The following TIPIN variants were observed in gnomAD, a reference collection of about 807,000 sequenced individuals.
The protein encoded by TIPIN is TIMELESS-interacting protein.
A neutral mutation model predicts 35.6 loss-of-function variants in TIPIN; 29 were observed. The ratio of observed to expected loss-of-function variants is 0.82; its 90% CI spans 0.61 to 1.11. TIPIN has a LOEUF of 1.11. TIPIN is among the 50% of genes most tolerant of loss of function. TIPIN has a pLI of 0.00. For synonymous variants in TIPIN, 102 were observed against 121.5 expected (o/e 0.84, Z 1.06); for missense variants, 296 against 345.4 (o/e 0.86, Z 1.13).
Position 66,337,113 on chromosome 15 carries a change from C to A in TIPIN, c.751G>T (p.Glu251Ter), listed in dbSNP as rs1483305950. 4 of 1,614,032 alleles carry A rather than the reference C, an allele frequency of 2.5e-6. No homozygotes were observed. The highest frequency in any genetic ancestry group is 2.2e-5 in the East Asian group (1 of 44,858). The change falls in exon 8 of 8, where the codon GAG becomes TAG. Residue 251 changes from glutamate (E) to a stop codon, truncating the protein, a stop_gained. Transcript: ENST00000261881. LOFTEE classifies it high-confidence loss of function. ...EVNTDEDQKE[E>*]SNGLNEDILD... ...ATGTCTTCGTTTAATCCATTTGACTCCTCCTTTTGATCCTCATCAGTATTA... is the reference window on the plus strand; with the variant it reads ...ATGTCTTCGTTTAATCCATTTGACTACTCCTTTTGATCCTCATCAGTATTA...
intron 6 of TIPIN, among the ~76,000 whole-genome samples, chr15:66,345,135 A>G (rs1294137228): frequency 6.6e-6 from 1 of 152,168 alleles, no homozygotes; most frequent in African/African-American, 2.4e-5. Context: ...ATAACAGTGT[A>G]ATGGGGAGGC....
rs62625674 is a variant in TIPIN, at chr15:66,337,201, T to G, written c.683-20A>C. The G allele has an allele frequency of 1.2e-5, 19 of 1,596,204 alleles. No individual in the cohort carries two copies. The highest frequency in any genetic ancestry group is 1.6e-5 in the Non-Finnish European group (19 of 1,166,550). On this transcript the variant is annotated intron_variant, in intron 7 of 7. Coordinates refer to ENST00000261881, the MANE Select transcript of TIPIN (RefSeq NM_017858.3). ...ACATATCTGAAAGAAATCATACCATTATTATTCATTATAAGTACCTGATCC... is the reference window on the plus strand; with the variant it reads ...ACATATCTGAAAGAAATCATACCATGATTATTCATTATAAGTACCTGATCC...
chr15:66,358,635 C>G (rs555611371), upstream of TIPIN, among the ~76,000 whole-genome samples: 2 of 152,168 alleles, frequency 1.3e-5, no homozygotes, highest in Admixed American at 6.5e-5. Flanking sequence ...AGGCTGGTCT[C>G]CAACGCCTGG....
chr15:66,361,258 ATTTT>A (rs377249055), upstream of TIPIN, among the ~76,000 whole-genome samples: 1 of 140,646 alleles, frequency 7.1e-6, no homozygotes, highest in Non-Finnish European at 1.6e-5. Context: ...TTCTATTGTA[ATTTT>A]TTTTTTTTTT....
chr15:66,368,553 T>G lies in TIPIN; in HGVS notation c.-8-15598A>C, dbSNP rs147802689. ...CAAATAAATAAACAAAATAAAAATA[T>G]AGTCTATAAACTAAGTTTGAATGGC... On this transcript the variant is annotated intron_variant, in intron 1 of 7. Transcript: ENST00000562124. Among the ~76,000 whole-genome samples the G allele has an allele frequency of 1.1e-4, 17 of 152,154 alleles. No homozygotes were observed. The East Asian group carries it at 3.3e-3, about 29-fold the overall frequency.
rs189560496 is a variant in TIPIN at position 66,362,811 on chromosome 15, A to G, written c.-8-9856T>C. On this transcript the variant is annotated intron_variant, in intron 1 of 7. Transcript: ENST00000562124. ...GAACTATCTCAATCCCACATTAAAAAAGCAAAATCCCTGAGTCTTCTTTAT... is the reference window on the plus strand; with the variant it reads ...GAACTATCTCAATCCCACATTAAAAGAGCAAAATCCCTGAGTCTTCTTTAT... Among the ~76,000 whole-genome samples, 79 of 152,356 alleles carry G rather than the reference A, an allele frequency of 5.2e-4. 1 individual carries two copies. In the South Asian group the frequency reaches 5.8e-3, roughly 11 times the overall value.
At chr15:66,356,787 G>A, upstream of TIPIN, 3 of 963,716 alleles carry the variant, frequency 3.1e-6, no homozygotes, top group African/African-American at 1.8e-5. Flanking sequence ...TGCAAAACCC[G>A]CCTCTCAGGT....
chr15:66,380,860 G>T (rs1303109212), intron 1 of TIPIN, among the ~76,000 whole-genome samples: 2 of 152,086 alleles, frequency 1.3e-5, no homozygotes, highest in Non-Finnish European at 2.9e-5. Flanking sequence ...TAGAAGTACT[G>T]TTAAAAAATA....
At position 66,352,124 on chromosome 15, in the gene TIPIN, T is replaced by G. The variant is rs999196586; in HGVS notation, c.212+5A>C. 1 of 1,586,746 alleles carries G rather than the reference T, an allele frequency of 6.3e-7. No individual in the cohort carries two copies. The stretch of plus-strand genomic sequence containing the variant: ...TATAAATGTATAAGAATATAGTAAA[T>G]GTACCTCTGAGCATCCAGCTTGGGT... On this transcript the variant is annotated splice_donor_5th_base_variant and intron_variant, in intron 3 of 7. Transcript: ENST00000261881.
chr15:66,363,876 GA>G (rs5813393), intron 1 of TIPIN, among the ~76,000 whole-genome samples: 148,570 of 151,532 alleles, frequency 0.98, 72,897 homozygotes, highest in East Asian at 1. Context: ...CAGCTACTCG[GA>G]GAGGCTGAGG....
intron 7 of TIPIN, among the ~76,000 whole-genome samples, chr15:66,338,080 A>G (rs1036819819): frequency 1.3e-5 from 2 of 152,020 alleles, no homozygotes; most frequent in Non-Finnish European, 2.9e-5. Context: ...ATATGGTGAA[A>G]CCCTGCCTCT....
chr15:66,352,038 A>G (rs902483705), intron 3 of TIPIN, 91 bp downstream of exon 3: 2 of 1,115,356 alleles, frequency 1.8e-6, no homozygotes, highest in African/African-American at 3.3e-5. Flanking sequence ...AGAGCTCCAC[A>G]TCATACCAAC....
Position 66,379,319 on chromosome 15 carries a change from C to T in TIPIN, c.-9+7288G>A. 3 of 1,581,648 alleles carry T rather than the reference C, an allele frequency of 1.9e-6. No individual in the cohort carries two copies. The South Asian group carries it at 3.4e-5, about 18-fold the overall frequency. On this transcript the variant is annotated intron_variant, in intron 1 of 7. Transcript: ENST00000562124. ...GTCATCTGGCGTCTTCTTTCTGTAG[C>T]TGGATAACTCTTAGATCTTATTCAT...
chr15:66,349,734 G>C (rs1280528605), intron 4 of TIPIN, among the ~76,000 whole-genome samples: 1 of 151,898 alleles, frequency 6.6e-6, no homozygotes, highest in African/African-American at 2.4e-5. Flanking sequence ...CAAAACAATA[G>C]CCAGGCATGG....
intron 6 of TIPIN, among the ~76,000 whole-genome samples, chr15:66,347,042 G>A (rs866017180): frequency 1.3e-5 from 2 of 151,976 alleles, no homozygotes; most frequent in South Asian, 2.1e-4. Flanking sequence ...TGATCCACCC[G>A]CCTCGGCCTC....
intron 7 of TIPIN, among the ~76,000 whole-genome samples, chr15:66,337,979 G>GGCACAGTGGATCATGCCTGTAA (rs1439086476): frequency 1.3e-5 from 2 of 152,124 alleles, no homozygotes; most frequent in Non-Finnish European, 2.9e-5. Flanking sequence ...CTATTGGCCA[G>GGCACAGTGGATCATGCCTGTAA]GCACAGTGGA....
intron 1 of TIPIN, chr15:66,382,951 G>A: frequency 1.0e-6 from 1 of 985,378 alleles, no homozygotes; most frequent in Non-Finnish European, 1.2e-6. Flanking sequence ...GGTCTGAAAA[G>A]GAAATGAGGA....
At chr15:66,372,680 C>T (rs139441754) in intron 1 of TIPIN, among the ~76,000 whole-genome samples, 18 of 152,012 alleles carry the variant, frequency 1.2e-4, no homozygotes, top group African/African-American at 3.6e-4. Context: ...CCAAGGCAGG[C>T]GGATCACGAG....
intron 2 of TIPIN, 91 bp downstream of exon 2, chr15:66,352,724 G>T (rs1397569843): frequency 1.5e-6 from 2 of 1,363,352 alleles, no homozygotes; most frequent in Non-Finnish European, 1.9e-6. Flanking sequence ...CTTGTGATCC[G>T]CCCGCCTCAG....
Sources: allele counts gnomAD v4.1 joint callset (sites outside exome capture counted in the v4.1 genomes callset), GRCh38; gene constraint gnomAD v4.1.1; transcripts MANE v1.5; gene names NCBI Gene and HGNC (gene_info 2026-07-23, HGNC 2026-07-21).